UPF3B: variants seen among roughly 807,000 people sequenced by gnomAD.
The protein encoded by UPF3B is UPF3B regulator of nonsense mediated mRNA decay.
In UPF3B, 7 loss-of-function variants were observed where a neutral mutation model predicts 40.3. That is an observed-to-expected ratio of 0.17 (90% CI 0.10 to 0.33). The LOEUF (loss-of-function observed/expected upper bound fraction) is 0.33. Among genes scored for constraint, UPF3B ranks in the 10% least tolerant of loss-of-function variants. The pLI, the probability that UPF3B is intolerant of heterozygous loss-of-function variation, is 1.00. For missense variants in UPF3B, 229 were observed against 358.9 expected, an observed-to-expected ratio of 0.64 and a Z score of 2.93; for synonymous variants, 117 against 117.3, an observed-to-expected ratio of 1.00 and a Z score of 0.01.
intron 1 of UPF3B, among the ~76,000 whole-genome samples, 160 bp from the exon 2 acceptor site, chrX:119,852,033 C>G (rs957769042): frequency 9.1e-6 from 1 of 109,767 alleles, no homozygotes; most frequent in South Asian, 3.9e-4. Flanking sequence ...CAGAATTAGT[C>G]AAACATAATA....
chrX:119,826,936 G>T (rs1315237710), intron 3 of UPF3B, among the ~76,000 whole-genome samples: 1 of 112,259 alleles, frequency 8.9e-6, no homozygotes, highest in Non-Finnish European at 1.9e-5. Context: ...AATTTTACTT[G>T]TTGACTTTCT....
intron 5 of UPF3B, among the ~76,000 whole-genome samples, chrX:119,809,155 C>T (rs745962574): frequency 4.5e-5 from 5 of 110,903 alleles, no homozygotes; most frequent in Non-Finnish European, 7.5e-5. Context: ...TGACAGCAGG[C>T]GAGAGGTGAA....
chrX:119,831,563 C>T, downstream of UPF3B: 2 of 330,663 alleles, frequency 6.0e-6, no homozygotes, highest in Non-Finnish European at 8.0e-6. Context: ...ATGCGATCTG[C>T]CCGCCTCAGC....
chrX:119,814,192 C>G (rs919035193), intron 5 of UPF3B, among the ~76,000 whole-genome samples: 1 of 111,612 alleles, frequency 9.0e-6, no homozygotes, highest in Non-Finnish European at 1.9e-5. Flanking sequence ...GAATAGACAT[C>G]GGTGCAGTTT....
intron 3 of UPF3B, among the ~76,000 whole-genome samples, chrX:119,828,621 G>A (rs751770537): frequency 1.8e-4 from 19 of 108,178 alleles, no homozygotes; most frequent in Non-Finnish European, 3.1e-4. Context: ...GCAGTGAGCC[G>A]CGACTGTGCC....
At chrX:119,852,028 T>A (rs1243717119) in intron 1 of UPF3B, among the ~76,000 whole-genome samples, 155 bp from the exon 2 acceptor site, 1 of 110,327 alleles carries the variant, frequency 9.1e-6, no homozygotes, top group Admixed American at 9.7e-5. Flanking sequence ...ATGCTCAGAA[T>A]TAGTCAAACA....
At chrX:119,818,221 T>A (rs1227325563) in intron 4 of UPF3B, among the ~76,000 whole-genome samples, 1 of 110,832 alleles carries the variant, frequency 9.0e-6, no homozygotes, top group Non-Finnish European at 1.9e-5. Context: ...GCTGAGATCA[T>A]GCCACTGCAC....
chrX:119,815,271 G>C lies in UPF3B; in HGVS notation c.532C>G (p.Arg178Gly), dbSNP rs1043689161. 2.0e-4 allele frequency: 156 copies of C among 791,303 alleles called. No homozygotes were observed. Among genetic ancestry groups the C allele is most frequent in the Non-Finnish European group, 2.3e-4 (150 of 657,815 alleles). 65.2% of individuals were successfully genotyped at this position (791,303 alleles called of 1,213,427 possible). A position where few individuals can be genotyped will look rare whatever the true frequency, so the allele number is the denominator to read the frequency against. Residue 178 changes from arginine (R) to glycine (G), a missense_variant, in exon 5 of 7, where the codon CGA becomes GGA. Physicochemically the swap from Arg to Gly is moderately radical, Grantham distance 125 (BLOSUM62 -2). Coordinates refer to the UPF3B transcript ENST00000636792. ...GGGTGCGAGAGTCGACCTTGGCTTCGAGCTCCTGGATGGTAACGCTGCATC... is the reference window on the plus strand; with the variant it reads ...GGGTGCGAGAGTCGACCTTGGCTTCCAGCTCCTGGATGGTAACGCTGCATC...
At chrX:119,814,092 C>T (rs2055844374) in intron 5 of UPF3B, among the ~76,000 whole-genome samples, 1 of 111,855 alleles carries the variant, frequency 8.9e-6, no homozygotes, top group Non-Finnish European at 1.9e-5. Flanking sequence ...GCTAAAGTTA[C>T]TCACTACACT....
At chrX:119,842,440 GGGCGTGGT>G (rs1159552168) in intron 5 of UPF3B, among the ~76,000 whole-genome samples, 3 of 109,547 alleles carry the variant, frequency 2.7e-5, no homozygotes, top group Admixed American at 9.9e-5. Flanking sequence ...AAAATTGGCC[GGGCGTGGT>G]GGCGGACACC....
rs1189730878 is a variant in UPF3B at position 119,836,652 on chromosome X, A to ATTTT, written c.1302+1101_1302+1104dup. 4.1e-5 allele frequency among the ~76,000 whole-genome samples: 4 copies of ATTTT among 96,748 alleles called. No homozygotes were observed. The Admixed American group carries it at 4.6e-4, about 11-fold the overall frequency. The allele number at this position is 96,748 out of a possible 115,157, so 84.0% of individuals were successfully genotyped here. On this transcript the variant is annotated intron_variant, in intron 10 of 10. Transcript: ENST00000276201. Reference sequence around the variant, plus strand: ...TACATGGAGTTCATCATACTATTCGATTTTTTTTTTTTTTTTGAGACAGAG... The same window carrying ATTTT: ...TACATGGAGTTCATCATACTATTCGATTTTTTTTTTTTTTTTTTTTGAGACAGAG...
intron 3 of UPF3B, among the ~76,000 whole-genome samples, chrX:119,847,872 T>C (rs1367867513): frequency 9.0e-6 from 1 of 111,520 alleles, no homozygotes; most frequent in Non-Finnish European, 1.9e-5. Flanking sequence ...TATGTGCACA[T>C]CTGTGTTCAT....
intron 10 of UPF3B, among the ~76,000 whole-genome samples, chrX:119,837,280 T>G (rs771956216): frequency 6.4e-5 from 7 of 109,275 alleles, no homozygotes; most frequent in Non-Finnish European, 1.3e-4. Context: ...TTGTGTATGT[T>G]TACAATTTCT....
At chrX:119,831,061 T>C (rs1406461985), downstream of UPF3B, among the ~76,000 whole-genome samples, 1 of 112,638 alleles carries the variant, frequency 8.9e-6, no homozygotes, top group Non-Finnish European at 1.9e-5. Flanking sequence ...GTCCTCACCA[T>C]CAGCTTTTTC....
intron 5 of UPF3B, among the ~76,000 whole-genome samples, chrX:119,810,968 A>C (rs1232013697): frequency 9.0e-6 from 1 of 111,446 alleles, no homozygotes; most frequent in Non-Finnish European, 1.9e-5. Context: ...TGCCTACAAA[A>C]GTGTCAAAGT....
At chrX:119,819,763 C>G (rs761506213) in intron 4 of UPF3B, among the ~76,000 whole-genome samples, 5 of 110,473 alleles carry the variant, frequency 4.5e-5, no homozygotes, top group African/African-American at 1.3e-4. Context: ...GTGTCTTGAC[C>G]TTGGTGGATC....
intron 4 of UPF3B, chrX:119,822,933 A>G (rs1212540743): frequency 1.1e-6 from 1 of 916,898 alleles, no homozygotes; most frequent in Admixed American, 3.3e-5. Context: ...TATGGCTAAT[A>G]CCACTTTCCT....
chrX:119,810,389 CAG>C (rs1176535625), intron 5 of UPF3B, among the ~76,000 whole-genome samples: 1 of 112,097 alleles, frequency 8.9e-6, no homozygotes, highest in Non-Finnish European at 1.9e-5. Context: ...GAAAGTGTAA[CAG>C]GAGGTGAAAT....
At chrX:119,824,859 T>C (rs1490571065) in intron 3 of UPF3B, among the ~76,000 whole-genome samples, 8 of 103,855 alleles carry the variant, frequency 7.7e-5, no homozygotes, top group Non-Finnish European at 1.6e-4. Context: ...CGCCGCCTCC[T>C]GGGTTCCAGC....
Sources: gnomAD v4.1 joint callset for allele counts (sites outside exome capture counted in the v4.1 genomes callset) on GRCh38, gnomAD v4.1.1 for gene constraint, MANE v1.5 for transcripts, NCBI Gene and HGNC (gene_info 2026-07-23, HGNC 2026-07-21) for gene names.